Variants in NOS1 observed in about 807,000 individuals in gnomAD.
The protein encoded by NOS1 is NOS type I.
NOS1 carries 51 observed loss-of-function variants against 164.5 expected under a neutral mutation model. That is an observed-to-expected ratio of 0.31 (90% CI 0.25 to 0.39). The LOEUF (loss-of-function observed/expected upper bound fraction) is 0.39. NOS1 is among the 10% of genes least tolerant of loss of function. The pLI, the probability that NOS1 is intolerant of heterozygous loss-of-function variation, is 1.00. For synonymous variants in NOS1, 719 were observed against 745.8 expected, an observed-to-expected ratio of 0.96 and a Z score of 0.59; for missense variants, 1,362 against 1,885.6, an observed-to-expected ratio of 0.72 and a Z score of 5.14.
chr12:117,218,009 T>C lies in NOS1; in HGVS notation c.4289+37A>G, dbSNP rs1182884025. On this transcript the variant is annotated intron_variant, in intron 28 of 28. Transcript: ENST00000317775. ...CCCAGTGGGACCTAGAAGAGAGGGC[T>C]CTTCCTGCCCCTCACCCAGGGATGG... The C allele has an allele frequency of 2.1e-6, 3 of 1,460,500 alleles. No individual in the cohort carries two copies. The East Asian group carries it at 6.8e-5, about 33-fold the overall frequency. 90.5% of individuals were successfully genotyped at this position (1,460,500 alleles called of 1,614,324 possible).
intron 14 of NOS1, among the ~76,000 whole-genome samples, chr12:117,259,599 A>C (rs1037501446): frequency 1.3e-5 from 2 of 152,126 alleles, no homozygotes; most frequent in Non-Finnish European, 2.9e-5. Flanking sequence ...CAAGTCTGAG[A>C]TATCTGCCTT....
chr12:117,284,216 T>G (rs548884368), intron 7 of NOS1, among the ~76,000 whole-genome samples: 1 of 152,292 alleles, frequency 6.6e-6, no homozygotes, highest in Admixed American at 6.5e-5. Flanking sequence ...AGTGATCCTG[T>G]GTGGCTCCAA....
At chr12:117,303,677 C>T (rs1423521860) in intron 3 of NOS1, among the ~76,000 whole-genome samples, 1 of 152,136 alleles carries the variant, frequency 6.6e-6, no homozygotes, top group East Asian at 1.9e-4. Context: ...GATGTTCCAT[C>T]CCCAAACAGG....
At chr12:117,353,730 G>C (rs553962200) in intron 1 of NOS1, among the ~76,000 whole-genome samples, 2 of 152,310 alleles carry the variant, frequency 1.3e-5, no homozygotes, top group Admixed American at 1.3e-4. Flanking sequence ...GCTTGACTTA[G>C]ATGTCAGTTT....
chr12:117,241,892 T>C (rs1283538475), intron 20 of NOS1, among the ~76,000 whole-genome samples: 1 of 152,214 alleles, frequency 6.6e-6, no homozygotes, highest in South Asian at 2.1e-4. Context: ...GAGAGTGACA[T>C]TTCCAGCAGG....
chr12:117,277,883 G>T (rs1421000859), intron 9 of NOS1, 76 bp downstream of exon 9: 4 of 1,490,008 alleles, frequency 2.7e-6, no homozygotes, highest in Non-Finnish European at 3.6e-6. Context: ...AGAAAGCCAG[G>T]GGGGATGGGG....
intron 1 of NOS1, among the ~76,000 whole-genome samples, chr12:117,353,802 C>G (rs555703932): frequency 3.9e-5 from 6 of 151,930 alleles, no homozygotes; most frequent in African/African-American, 1.4e-4. Flanking sequence ...CTCCTCTAAA[C>G]GAAAACTAAA....
intron 17 of NOS1, among the ~76,000 whole-genome samples, chr12:117,248,896 G>A (rs1021460041): frequency 7.9e-5 from 12 of 152,246 alleles, no homozygotes; most frequent in African/African-American, 2.9e-4. Flanking sequence ...ATTCTAACTG[G>A]TGTGAGACGG....
Position 117,227,793 on chromosome 12 carries a change from G to A in NOS1, c.3406-152C>T, listed in dbSNP as rs548340628. 66 of 736,428 alleles carry A rather than the reference G, an allele frequency of 9.0e-5. No individual in the cohort carries two copies. The African/African-American group carries it at 9.3e-4, about 10-fold the overall frequency. The allele number at this position is 736,428 out of a possible 1,614,324, so 45.6% of individuals were successfully genotyped here. ...TGTAATTGCAGTGCTTTGGGGGGCCGGGGAGAGAGGATCACTTGAGGCTAG... is the reference window on the plus strand; with the variant it reads ...TGTAATTGCAGTGCTTTGGGGGGCCAGGGAGAGAGGATCACTTGAGGCTAG... On this transcript the variant is annotated intron_variant, in intron 22 of 28. Transcript: ENST00000317775.
At chr12:117,238,270 G>C (rs1305209315) in intron 20 of NOS1, among the ~76,000 whole-genome samples, 1 of 152,024 alleles carries the variant, frequency 6.6e-6, no homozygotes, top group African/African-American at 2.4e-5. Context: ...CACTTGCATA[G>C]TAAAAGATTA....
Position 117,295,615 on chromosome 12 carries a change from C to CTTTTTTT in NOS1, c.853-5196_853-5190dup, listed in dbSNP as rs33913257. On this transcript the variant is annotated intron_variant, in intron 3 of 28. Coordinates refer to ENST00000317775, the MANE Select transcript of NOS1 (RefSeq NM_000620.5). ...ATGTTAGAGATCTTTCCTGATCATT[C>CTTTTTTT]TTTTTTTTTTTTTTTTTTTTGAGAC... Among the ~76,000 whole-genome samples, 5 of 105,112 alleles carry CTTTTTTT rather than the reference C, an allele frequency of 4.8e-5. 1 individual carries two copies. Among genetic ancestry groups the CTTTTTTT allele is most frequent in the African/African-American group, 3.8e-5 (1 of 26,482 alleles). The allele number at this position is 105,112 out of a possible 152,430, so 69.0% of individuals were successfully genotyped here. A position where few individuals can be genotyped will look rare whatever the true frequency, so the allele number is the denominator to read the frequency against.
chr12:117,297,612 GAAC>G (rs1276986962), intron 3 of NOS1, among the ~76,000 whole-genome samples: 2 of 151,936 alleles, frequency 1.3e-5, no homozygotes, highest in Admixed American at 1.3e-4. Context: ...GGCTGATCTC[GAAC>G]TCCCGACCTC....
chr12:117,276,545 A>G (rs758052223), intron 9 of NOS1, among the ~76,000 whole-genome samples: 12 of 152,094 alleles, frequency 7.9e-5, no homozygotes, highest in Non-Finnish European at 8.8e-5. Flanking sequence ...GGCCTCCCAA[A>G]GTGCTGGAAT....
chr12:117,335,401 C>T (rs962711815), intron 1 of NOS1, among the ~76,000 whole-genome samples: 34 of 152,128 alleles, frequency 2.2e-4, no homozygotes, highest in African/African-American at 7.2e-4. Context: ...AGGGTACATA[C>T]CATGGAAACA....
rs750058105 is a variant in NOS1, at chr12:117,225,094, T to C, written c.3748A>G (p.Ile1250Val). ...HLPRNPQVPC[I>V]LVGPGTGIAP... The stretch of plus-strand genomic sequence containing the variant: ...ATGCCGGTGCCTGGTCCAACGAGGA[T>C]GCAGGGGACTTGGGGGTTCCGGGGC... Residue 1250 changes from isoleucine (I) to valine (V), a missense_variant, in exon 25 of 29, where the codon ATC becomes GTC. Transcript: ENST00000317775. The C allele has an allele frequency of 1.2e-6, 2 of 1,614,074 alleles. No homozygotes were observed. The highest frequency in any genetic ancestry group is 1.1e-5 in the South Asian group (1 of 91,064).
At chr12:117,249,282 A>G (rs1041002454) in intron 17 of NOS1, among the ~76,000 whole-genome samples, 4 of 152,180 alleles carry the variant, frequency 2.6e-5, no homozygotes, top group African/African-American at 7.2e-5. Context: ...AGGGCTCTCA[A>G]GGGTTTCTCT....
Position 117,330,714 on chromosome 12 carries a change from G to A in NOS1, c.356C>T (p.Thr119Ile). The part of the protein sequence containing the change: ...TTFTGDGTPK[T>I]IRVTQPLGPP... ...ACCCAGGGGCTGTGTCACCCGGATG[G>A]TCTTGGGGGTCCCATCACCTGTAAA... The change falls in exon 2 of 29, where the codon ACC becomes ATC. Residue 119 changes from threonine (T) to isoleucine (I), a missense_variant. Transcript: ENST00000317775. The surrounding 1 kb of genome is among the most constrained non-coding windows in gnomAD (Gnocchi z 4.6). 1.9e-6 allele frequency: 3 copies of A among 1,613,962 alleles called. No individual in the cohort carries two copies. The highest frequency in any genetic ancestry group is 2.5e-6 in the Non-Finnish European group (3 of 1,179,898).
chr12:117,212,454 TC>T lies in NOS1; in HGVS notation c.*2854del. 1.0e-6 allele frequency: 1 copy of T among 985,376 alleles called. No homozygotes were observed. Among genetic ancestry groups the T allele is most frequent in the Non-Finnish European group, 1.2e-6 (1 of 829,940 alleles). 61.0% of individuals were successfully genotyped at this position (985,376 alleles called of 1,614,324 possible). ...GGAAACCAAAAGAAGCCCTCTCTCC[TC>T]CCAAGGAGTTTAACATCATCTCTCT... On this transcript the variant is annotated 3_prime_UTR_variant, in exon 29 of 29. Transcript: ENST00000317775.
chr12:117,227,873 A>G (rs998094992), intron 22 of NOS1, among the ~76,000 whole-genome samples: 1 of 152,040 alleles, frequency 6.6e-6, no homozygotes, highest in Non-Finnish European at 1.5e-5. Flanking sequence ...CAAAAAATTA[A>G]GAAAAATTAG....
Sources: gnomAD v4.1 joint callset for allele counts (sites outside exome capture counted in the v4.1 genomes callset) on GRCh38, gnomAD v4.1.1 for gene constraint, Gnocchi (gnomAD v3.1) non-coding constraint, MANE v1.5 for transcripts, NCBI Gene and HGNC (gene_info 2026-07-23, HGNC 2026-07-21) for gene names.